CHCHD6: variants seen among roughly 807,000 people sequenced by gnomAD.
CHCHD6 encodes the protein MICOS complex subunit MIC25.
A neutral mutation model predicts 32.3 loss-of-function variants in CHCHD6; 28 were observed. That is an observed-to-expected ratio of 0.87 (90% CI 0.64 to 1.19). The LOEUF is 1.19. Among genes scored for constraint, CHCHD6 ranks in the 50% most tolerant of loss-of-function variants. The pLI, the probability that CHCHD6 is intolerant of heterozygous loss-of-function variation, is 0.00. For missense variants in CHCHD6, 333 were observed against 307.0 expected, an observed-to-expected ratio of 1.08 and a Z score of -0.63; for synonymous variants, 122 against 117.5, an observed-to-expected ratio of 1.04 and a Z score of -0.25.
At chr3:126,843,191 C>T (rs140950099) in intron 4 of CHCHD6, among the ~76,000 whole-genome samples, 1 of 152,058 alleles carries the variant, frequency 6.6e-6, no homozygotes, top group African/African-American at 2.4e-5. Context: ...GTATGATTGT[C>T]TTCTTATTCT....
chr3:126,871,645 C>A (rs1443024020), intron 5 of CHCHD6, among the ~76,000 whole-genome samples: 1 of 151,234 alleles, frequency 6.6e-6, no homozygotes, highest in Non-Finnish European at 1.5e-5. Context: ...TTATGCTCTT[C>A]CCCCCGACCC....
chr3:126,742,172 G>A (rs532422780), intron 4 of CHCHD6, among the ~76,000 whole-genome samples: 3 of 152,316 alleles, frequency 2.0e-5, no homozygotes, highest in East Asian at 3.9e-4. Context: ...GTGATACCGA[G>A]TGGCACTCAC....
chr3:126,757,520 C>T (rs1159486782), intron 4 of CHCHD6, among the ~76,000 whole-genome samples: 2 of 152,176 alleles, frequency 1.3e-5, no homozygotes, highest in African/African-American at 2.4e-5. Flanking sequence ...AAAGTGAACA[C>T]AGACTTCCGC....
Position 126,773,608 on chromosome 3 carries a change from T to C in CHCHD6, c.411+40386T>C, listed in dbSNP as rs1312698763. ...TCTGACAGTTTCTGCTTTTCTTTTT[T>C]TTTTTTTTTTTTTTTTTTGAGACAG... On this transcript the variant is annotated intron_variant, in intron 4 of 7. Coordinates refer to ENST00000290913, the MANE Select transcript of CHCHD6 (RefSeq NM_032343.3). Among the ~76,000 whole-genome samples the C allele has an allele frequency of 1.6e-3, 231 of 145,488 alleles. 2 individuals are homozygous for C. The highest frequency in any genetic ancestry group is 5.4e-3 in the African/African-American group (214 of 39,526).
At chr3:126,818,813 G>GC (rs1474528359) in intron 4 of CHCHD6, among the ~76,000 whole-genome samples, 1 of 152,184 alleles carries the variant, frequency 6.6e-6, no homozygotes, top group Non-Finnish European at 1.5e-5. Context: ...CCTGCAACAG[G>GC]CCTCATGGCA....
chr3:126,803,057 A>T (rs1335107651), intron 4 of CHCHD6, among the ~76,000 whole-genome samples: 2 of 152,250 alleles, frequency 1.3e-5, no homozygotes, highest in East Asian at 3.8e-4. Flanking sequence ...AGAGCTCCTG[A>T]CACAAGCACT....
At chr3:126,798,518 T>G (rs1938905659) in intron 4 of CHCHD6, among the ~76,000 whole-genome samples, 2 of 152,164 alleles carry the variant, frequency 1.3e-5, no homozygotes, top group Admixed American at 1.3e-4. Context: ...TCCCCGCTGT[T>G]TTTCCTTTGT....
At position 126,808,297 on chromosome 3, in the gene CHCHD6, A is replaced by G. The variant is rs142062122; in HGVS notation, c.412-44350A>G. Among the ~76,000 whole-genome samples, 6 of 152,284 alleles carry G rather than the reference A, an allele frequency of 3.9e-5. No homozygotes were observed. In the East Asian group the frequency reaches 1.2e-3, roughly 29 times the overall value. On this transcript the variant is annotated intron_variant, in intron 4 of 7. Transcript: ENST00000290913. ...AACAGAATTCAGTCTTTTGAAAGCTAATCTTGGAAGGGACATTCCATCACT... is the reference window on the plus strand; with the variant it reads ...AACAGAATTCAGTCTTTTGAAAGCTGATCTTGGAAGGGACATTCCATCACT...
intron 5 of CHCHD6, among the ~76,000 whole-genome samples, chr3:126,853,496 A>T (rs1941549913): frequency 6.6e-6 from 1 of 152,096 alleles, no homozygotes; most frequent in Admixed American, 6.5e-5. Context: ...CATGGTTTGG[A>T]GCTTTGAAAT....
chr3:126,855,361 C>T (rs1258421829), intron 5 of CHCHD6, among the ~76,000 whole-genome samples: 1 of 152,154 alleles, frequency 6.6e-6, no homozygotes, highest in African/African-American at 2.4e-5. Context: ...GATGCTAATG[C>T]TTTCTGCTGG....
intron 3 of CHCHD6, 100 bp from the exon 4 acceptor site, chr3:126,732,978 A>G: frequency 2.2e-6 from 3 of 1,361,588 alleles, no homozygotes; most frequent in Non-Finnish European, 3.1e-6. Context: ...TGGTTTCAGC[A>G]TTTCCCTGGT....
intron 4 of CHCHD6, among the ~76,000 whole-genome samples, chr3:126,793,876 C>T (rs1938668590): frequency 6.6e-6 from 1 of 152,160 alleles, no homozygotes; most frequent in Non-Finnish European, 1.5e-5. Context: ...CAGATATAGA[C>T]TGTTGGGTTA....
At chr3:126,932,119 CTTG>C (rs1294791047) in intron 6 of CHCHD6, among the ~76,000 whole-genome samples, 1 of 152,162 alleles carries the variant, frequency 6.6e-6, no homozygotes, top group African/African-American at 2.4e-5. Context: ...GTGCATTCCT[CTTG>C]TTGTCTTCTT....
intron 5 of CHCHD6, among the ~76,000 whole-genome samples, chr3:126,876,171 A>G (rs957038665): frequency 1.6e-4 from 25 of 152,232 alleles, no homozygotes; most frequent in African/African-American, 6.0e-4. Context: ...AATGTTCATT[A>G]TATGAGTTAG....
intron 4 of CHCHD6, among the ~76,000 whole-genome samples, chr3:126,831,711 G>C (rs1940651064): frequency 6.6e-6 from 1 of 152,206 alleles, no homozygotes; most frequent in African/African-American, 2.4e-5. Flanking sequence ...GTGTGCTTCA[G>C]AATTGTTCTA....
At chr3:126,863,538 C>T (rs1375966796) in intron 5 of CHCHD6, among the ~76,000 whole-genome samples, 1 of 142,240 alleles carries the variant, frequency 7.0e-6, no homozygotes, top group Non-Finnish European at 1.5e-5. Flanking sequence ...CCACCTCCTC[C>T]TCCTCCACCA....
intron 1 of CHCHD6, among the ~76,000 whole-genome samples, chr3:126,722,127 C>T (rs530995305): frequency 2.0e-5 from 3 of 152,136 alleles, no homozygotes; most frequent in African/African-American, 2.4e-5. Flanking sequence ...TCCATATCCT[C>T]GCAAATACTT....
chr3:126,785,875 C>T (rs566435775), intron 4 of CHCHD6, among the ~76,000 whole-genome samples: 7 of 152,146 alleles, frequency 4.6e-5, no homozygotes, highest in East Asian at 3.9e-4. Context: ...ATGTGCACAA[C>T]GTGCAGGTTT....
At chr3:126,779,987 G>A (rs1245321840) in intron 4 of CHCHD6, among the ~76,000 whole-genome samples, 2 of 152,230 alleles carry the variant, frequency 1.3e-5, no homozygotes, top group Non-Finnish European at 2.9e-5. Flanking sequence ...GAAAATGTGA[G>A]AGAATATTCC....
Sources: gnomAD v4.1 joint callset for allele counts (sites outside exome capture counted in the v4.1 genomes callset) on GRCh38, gnomAD v4.1.1 for gene constraint, MANE v1.5 for transcripts, NCBI Gene and HGNC (gene_info 2026-07-23, HGNC 2026-07-21) for gene names.